Variants in OSBPL9 observed in about 807,000 individuals in gnomAD.
OSBPL9 encodes the protein oxysterol binding protein like 9, also known as oxysterol-binding protein-related protein 9.
In OSBPL9, 40 loss-of-function variants were observed where a neutral mutation model predicts 106.6. The observed-to-expected ratio is 0.38, with a 90% CI of 0.29 to 0.49. The LOEUF (loss-of-function observed/expected upper bound fraction) is 0.49, where lower values mean the gene tolerates loss of function less well. Ranked by LOEUF, OSBPL9 falls within the 20% of genes least tolerant of loss-of-function variation. OSBPL9 has a pLI of 0.97. For synonymous variants in OSBPL9, 269 were observed against 295.4 expected, an observed-to-expected ratio of 0.91 and a Z score of 0.92; for missense variants, 609 against 887.2, an observed-to-expected ratio of 0.69 and a Z score of 3.98.
In OSBPL9 at chr1:51,664,442, G is replaced by A. The variant is rs184825052; in HGVS notation, c.163-4992G>A. 5.2e-3 allele frequency among the ~76,000 whole-genome samples: 790 copies of A among 152,218 alleles called. 3 individuals are homozygous for A. The highest frequency in any genetic ancestry group is 0.018 in the African/African-American group (754 of 41,528). On this transcript the variant is annotated intron_variant, in intron 2 of 23. Transcript: ENST00000428468. ...ATGATGACTCCTGCCTGTAATCCCA[G>A]CACTTTGAGAGGCTGGGATGGGTGG...
At chr1:51,538,089 G>A in the OSBPL9 span, among the ~76,000 whole-genome samples, 80 of 152,090 alleles carry the variant, frequency 5.3e-4, no homozygotes, top group South Asian at 1.5e-3. Context: ...TCAGGAGTTC[G>A]AGGCCAGCCT....
At chr1:51,762,901 T>C (rs1247617699) in intron 11 of OSBPL9, among the ~76,000 whole-genome samples, 1 of 152,252 alleles carries the variant, frequency 6.6e-6, no homozygotes. Context: ...GGCATATGTA[T>C]ATTTTTTTAG....
chr1:51,646,201 T>C (rs1234576253), intron 1 of OSBPL9, among the ~76,000 whole-genome samples: 1 of 152,180 alleles, frequency 6.6e-6, no homozygotes, highest in Non-Finnish European at 1.5e-5. Context: ...TGTAAATCAA[T>C]TTAGGGAGTA....
intron 1 of OSBPL9, among the ~76,000 whole-genome samples, chr1:51,618,326 T>G (rs1261420861): frequency 6.6e-6 from 1 of 152,172 alleles, no homozygotes; most frequent in African/African-American, 2.4e-5. Context: ...GCCTTGAATC[T>G]TATGTTTTGA....
At chr1:51,534,202 T>G in the OSBPL9 span, among the ~76,000 whole-genome samples, 1 of 146,918 alleles carries the variant, frequency 6.8e-6, no homozygotes, top group African/African-American at 2.5e-5. Flanking sequence ...AGACTACATC[T>G]CAAAAAAAAA....
chr1:51,650,483 T>G (rs1466127110), intron 1 of OSBPL9, among the ~76,000 whole-genome samples: 1 of 152,244 alleles, frequency 6.6e-6, no homozygotes, highest in Non-Finnish European at 1.5e-5. Context: ...TTTCTTTCAC[T>G]GTGTTATTAG....
chr1:51,625,775 C>T (rs1453854665), intron 1 of OSBPL9, among the ~76,000 whole-genome samples: 1 of 152,110 alleles, frequency 6.6e-6, no homozygotes, highest in African/African-American at 2.4e-5. Flanking sequence ...CCACCCTCCT[C>T]GGCCTCCCAA....
Position 51,787,275 on chromosome 1 carries a change from C to T in OSBPL9, c.2001-78C>T. The T allele has an allele frequency of 1.4e-6, 2 of 1,410,780 alleles. 1 individual carries two copies. The allele number at this position is 1,410,780 out of a possible 1,614,324, so 87.4% of individuals were successfully genotyped here. The stretch of plus-strand genomic sequence containing the variant: ...ACCTACAGCACTTAAAGCCATTTGA[C>T]TTGTATTATACTATATTCAGGATGG... On this transcript the variant is annotated intron_variant, in intron 22 of 23. Transcript: ENST00000428468.
the OSBPL9 span, among the ~76,000 whole-genome samples, chr1:51,552,902 C>T: frequency 6.6e-6 from 1 of 151,702 alleles, no homozygotes; most frequent in Admixed American, 6.6e-5. Flanking sequence ...GGATTATAGT[C>T]GTGGGCCACC....
intron 3 of OSBPL9, among the ~76,000 whole-genome samples, chr1:51,686,451 G>A (rs1653829791): frequency 6.6e-6 from 1 of 152,140 alleles, no homozygotes; most frequent in South Asian, 2.1e-4. Flanking sequence ...CCTCTTTGCA[G>A]CTCTAGCTTC....
chr1:51,781,672 C>T (rs1267709974), intron 16 of OSBPL9: 1 of 206,358 alleles, frequency 4.8e-6, no homozygotes, highest in Non-Finnish European at 1.0e-5. Context: ...GCATGAAGAC[C>T]ATTGTGGAGG....
intron 2 of OSBPL9, among the ~76,000 whole-genome samples, chr1:51,602,695 C>T (rs921730443): frequency 6.6e-6 from 1 of 152,126 alleles, no homozygotes; most frequent in African/African-American, 2.4e-5. Context: ...ATTCTCCCGC[C>T]TCTGCCTCCC....
chr1:51,622,339 T>C (rs1272318737), intron 1 of OSBPL9, among the ~76,000 whole-genome samples: 1 of 152,166 alleles, frequency 6.6e-6, no homozygotes, highest in Admixed American at 6.5e-5. Context: ...GTTTTTCATA[T>C]ATGGAGAGTT....
chr1:51,752,749 G>A (rs1010273034), intron 8 of OSBPL9: 1 of 302,616 alleles, frequency 3.3e-6, no homozygotes, highest in East Asian at 8.0e-5. Flanking sequence ...GAGAGAGGGA[G>A]CGTGCACGTG....
At chr1:51,546,936 G>T in the OSBPL9 span, among the ~76,000 whole-genome samples, 3 of 152,132 alleles carry the variant, frequency 2.0e-5, no homozygotes, top group African/African-American at 7.2e-5. Context: ...AAGTACCACA[G>T]AAATGCTAAT....
In OSBPL9 at chr1:51,785,898, T is replaced by C. The variant is rs1289839986; in HGVS notation, c.1908+12T>C. 1 of 1,606,628 alleles carries C rather than the reference T, an allele frequency of 6.2e-7. No homozygotes were observed. Among genetic ancestry groups the C allele is most frequent in the South Asian group, 1.1e-5 (1 of 90,502 alleles). Reference sequence around the variant, plus strand: ...AATATGCAACAGGGGTAAGATCCTCTATTTTGCCACTTGTTTTAGGCTACA... The same window carrying C: ...AATATGCAACAGGGGTAAGATCCTCCATTTTGCCACTTGTTTTAGGCTACA... On this transcript the variant is annotated intron_variant, in intron 21 of 23. Transcript: ENST00000428468.
At chr1:51,523,308 T>C in the OSBPL9 span, among the ~76,000 whole-genome samples, 2 of 152,122 alleles carry the variant, frequency 1.3e-5, no homozygotes, top group East Asian at 3.9e-4. Flanking sequence ...TGTCTTGCTA[T>C]GTTGCCTAGG....
intron 3 of OSBPL9, among the ~76,000 whole-genome samples, chr1:51,694,764 A>G (rs1352169021): frequency 6.6e-6 from 1 of 152,188 alleles, no homozygotes; most frequent in Non-Finnish European, 1.5e-5. Flanking sequence ...TATTGCTCCA[A>G]ACTAATCAGA....
intron 9 of OSBPL9, among the ~76,000 whole-genome samples, chr1:51,758,480 A>G (rs1670829574): frequency 1.3e-5 from 2 of 151,762 alleles, no homozygotes. Context: ...TTAGAGTTTA[A>G]TGATACGGCA....
Sources: gnomAD v4.1 joint callset for allele counts (sites outside exome capture counted in the v4.1 genomes callset) on GRCh38, gnomAD v4.1.1 for gene constraint, MANE v1.5 for transcripts, NCBI Gene and HGNC (gene_info 2026-07-23, HGNC 2026-07-21) for gene names.